Variants in HLCS observed in about 807,000 individuals in gnomAD.
HLCS encodes holocarboxylase synthetase.
A neutral mutation model predicts 75.0 loss-of-function variants in HLCS; 53 were observed. The ratio of observed to expected loss-of-function variants is 0.71; its 90% CI spans 0.57 to 0.89. The LOEUF (loss-of-function observed/expected upper bound fraction) is 0.89. HLCS is among the 40% of genes least tolerant of loss of function. The pLI is 0.00. For missense variants in HLCS, 966 were observed against 1,074.0 expected (o/e 0.90, Z 1.41); for synonymous variants, 431 against 428.6 (o/e 1.01, Z -0.07).
Position 36,966,614 on chromosome 21 carries a change from A to G in HLCS, c.25T>C (p.Tyr9His). The change falls in exon 1 of 11, where the codon TAC becomes CAC. Residue 9 changes from tyrosine to histidine, a missense_variant. By Grantham distance (83) the Tyr-to-His change is moderately conservative. Coordinates refer to ENST00000674895, the MANE Select transcript of HLCS (RefSeq NM_001352514.2). ...CGGCGACCCCAGCGCGCCCACAGGT[A>G]CAGGTAGCACAGCGTGATGAGCATG... MLITLCYLYLWARWGRRPA... is the reference protein window; with the variant it reads MLITLCYLHLWARWGRRPA... 9.1e-6 allele frequency: 9 copies of G among 984,874 alleles called. No individual in the cohort carries two copies. In the South Asian group the frequency reaches 4.2e-4, roughly 46 times the overall value. The allele number at this position is 984,874 out of a possible 1,614,324, so 61.0% of individuals were successfully genotyped here.
At position 36,924,202 on chromosome 21, in the gene HLCS, G is replaced by C. The variant is rs563607810; in HGVS notation, c.1620+6049C>G. ...GGAGAAGGGGAGGACTCCACATCAA[G>C]TACTATGTTAAAAAATGGCAGGCAA... On this transcript the variant is annotated intron_variant, in intron 5 of 10. Transcript: ENST00000674895. Among the ~76,000 whole-genome samples, 15 of 152,338 alleles carry C rather than the reference G, an allele frequency of 9.8e-5. No homozygotes were observed. The East Asian group carries it at 2.9e-3, about 29-fold the overall frequency.
chr21:36,838,330 C>CACACACACACA (rs1480562550), intron 6 of HLCS, among the ~76,000 whole-genome samples: 214 of 138,566 alleles, frequency 1.5e-3, no homozygotes, highest in African/African-American at 5.4e-3. Flanking sequence ...ACACACACAC[C>CACACACACACA]CCCACAACCA....
intron 6 of HLCS, among the ~76,000 whole-genome samples, chr21:36,796,603 A>G (rs1050017835): frequency 3.3e-5 from 5 of 152,292 alleles, no homozygotes; most frequent in African/African-American, 1.2e-4. Flanking sequence ...CCAGGAAATG[A>G]TCCCATGCAC....
At chr21:36,947,566 A>G (rs1435565207) in intron 2 of HLCS, 1 of 985,352 alleles carries the variant, frequency 1.0e-6, no homozygotes, top group African/African-American at 1.7e-5. Flanking sequence ...CTCACTCCCA[A>G]AGATCAAAGC....
intron 5 of HLCS, among the ~76,000 whole-genome samples, chr21:36,919,401 C>A (rs1160408621): frequency 2.6e-5 from 4 of 152,168 alleles, no homozygotes; most frequent in Non-Finnish European, 4.4e-5. Context: ...TCCAATTTAA[C>A]GTTTTTGAGC....
At chr21:36,872,784 T>C (rs766452053) in intron 6 of HLCS, among the ~76,000 whole-genome samples, 1 of 152,254 alleles carries the variant, frequency 6.6e-6, no homozygotes, top group Non-Finnish European at 1.5e-5. Flanking sequence ...AATAAGCTTC[T>C]ATGAATACGA....
chr21:36,946,595 G>T (rs2835541), intron 2 of HLCS, among the ~76,000 whole-genome samples: 84,197 of 151,660 alleles, frequency 0.56, 23,662 homozygotes, highest in East Asian at 0.64. Context: ...CAGAGTGAAC[G>T]TGAATTTAAT....
chr21:36,754,466 C>T, intron 10 of HLCS, 49 bp from the exon 11 acceptor site: 2 of 1,572,924 alleles, frequency 1.3e-6, no homozygotes, highest in South Asian at 2.3e-5. Context: ...CACAGGACGA[C>T]TTAAGACAAT....
intron 6 of HLCS, among the ~76,000 whole-genome samples, chr21:36,817,224 T>C (rs2061689540): frequency 6.6e-6 from 1 of 152,200 alleles, no homozygotes; most frequent in South Asian, 2.1e-4. Context: ...AACATCGGTA[T>C]TTTTTCTTTT....
chr21:36,836,025 C>G (rs2062399289), intron 6 of HLCS, among the ~76,000 whole-genome samples: 1 of 152,114 alleles, frequency 6.6e-6, no homozygotes, highest in Non-Finnish European at 1.5e-5. Context: ...CAAATCTGCT[C>G]ATGGTCTCTC....
At chr21:36,858,366 T>C (rs948775225) in intron 6 of HLCS, among the ~76,000 whole-genome samples, 1 of 152,204 alleles carries the variant, frequency 6.6e-6, no homozygotes, top group African/African-American at 2.4e-5. Flanking sequence ...GATGGGACTC[T>C]GTCCTCACCA....
rs2067034589 is a variant in HLCS, at chr21:36,939,312, T to C, written c.331-318A>G. Among the ~76,000 whole-genome samples, 6 of 152,248 alleles carry C rather than the reference T, an allele frequency of 3.9e-5. 1 individual carries two copies. In the South Asian group the frequency reaches 1.2e-3, roughly 32 times the overall value. ...CACTGGAAAAACACCATGCTGCCCT[T>C]TAAAAACAGAGAAGAGGAGAGAACA... On this transcript the variant is annotated intron_variant, in intron 2 of 10. Transcript: ENST00000674895.
chr21:36,981,395 C>CTTTTTTTTT (rs11328067), intron 1 of HLCS, among the ~76,000 whole-genome samples: 3 of 91,280 alleles, frequency 3.3e-5, no homozygotes, highest in African/African-American at 9.5e-5. Flanking sequence ...CTTAACCTTC[C>CTTTTTTTTT]TTTTTTTTTT....
At chr21:36,915,436 C>T (rs930536892) in intron 5 of HLCS, among the ~76,000 whole-genome samples, 2 of 152,228 alleles carry the variant, frequency 1.3e-5, no homozygotes, top group Admixed American at 1.3e-4. Context: ...CAAAGGTTCA[C>T]TGGTCCAACT....
intron 6 of HLCS, among the ~76,000 whole-genome samples, chr21:36,769,985 C>T (rs1442994146): frequency 6.6e-6 from 1 of 152,116 alleles, no homozygotes; most frequent in Non-Finnish European, 1.5e-5. Flanking sequence ...AACAACCTCA[C>T]TGTTAATAAA....
intron 6 of HLCS, among the ~76,000 whole-genome samples, chr21:36,772,024 A>G (rs1314959921): frequency 6.6e-6 from 1 of 152,032 alleles, no homozygotes; most frequent in Non-Finnish European, 1.5e-5. Flanking sequence ...ATTATTAGGA[A>G]ATATACCAAA....
At position 36,900,555 on chromosome 21, in the gene HLCS, C is replaced by T. The variant is rs1053182182; in HGVS notation, c.1621-3424G>A. ...TTTCACTCGAGGAGCAACAGGGAGC[C>T]CCAGAAGGTTCTGGGGAAGGTCGTG... On this transcript the variant is annotated intron_variant, in intron 5 of 10. Transcript: ENST00000674895. 3.3e-5 allele frequency among the ~76,000 whole-genome samples: 5 copies of T among 152,178 alleles called. No homozygotes were observed. The South Asian group carries it at 8.3e-4, about 25-fold the overall frequency.
intron 6 of HLCS, among the ~76,000 whole-genome samples, chr21:36,871,647 C>G (rs1302520362): frequency 6.6e-6 from 1 of 151,864 alleles, no homozygotes; most frequent in Non-Finnish European, 1.5e-5. Context: ...GACACTTTAC[C>G]ACAAGGTTGG....
At chr21:36,793,141 A>T (rs1465616838) in intron 6 of HLCS, among the ~76,000 whole-genome samples, 1 of 151,984 alleles carries the variant, frequency 6.6e-6, no homozygotes, top group Non-Finnish European at 1.5e-5. Context: ...TACATCAAAT[A>T]ATTCTTCTTT....
Sources: allele counts gnomAD v4.1 joint callset (sites outside exome capture counted in the v4.1 genomes callset), GRCh38; gene constraint gnomAD v4.1.1; transcripts MANE v1.5; gene names NCBI Gene and HGNC (gene_info 2026-07-23, HGNC 2026-07-21).